GRM7: variants seen among roughly 807,000 people sequenced by gnomAD.
GRM7 encodes the protein metabotropic glutamate receptor 7.
GRM7 carries 35 observed loss-of-function variants against 84.5 expected under a neutral mutation model. The ratio of observed to expected loss-of-function variants is 0.41; its 90% CI spans 0.32 to 0.55. GRM7 has a LOEUF of 0.55. Among genes scored for constraint, GRM7 ranks in the 20% least tolerant of loss-of-function variants. The pLI is 0.19. For missense variants in GRM7, 1,003 were observed against 1,194.6 expected (o/e 0.84, Z 2.36); for synonymous variants, 487 against 455.1 (o/e 1.07, Z -0.89).
At chr3:7,029,319 A>AC (rs1696102078) in intron 1 of GRM7, among the ~76,000 whole-genome samples, 1 of 69,076 alleles carries the variant, frequency 1.4e-5, no homozygotes, top group Non-Finnish European at 4.1e-5. Context: ...AAAAAACAAA[A>AC]AAAAAAAACA....
chr3:6,973,881 G>A (rs981416166), intron 1 of GRM7, among the ~76,000 whole-genome samples: 1 of 152,086 alleles, frequency 6.6e-6, no homozygotes, highest in East Asian at 1.9e-4. Context: ...TTGATAAGAG[G>A]GAAAGTCATG....
intron 8 of GRM7, among the ~76,000 whole-genome samples, chr3:7,666,640 G>T (rs185558764): frequency 6.6e-6 from 1 of 152,264 alleles, no homozygotes; most frequent in East Asian, 1.9e-4. Context: ...GTAGCCACTG[G>T]TCTTTGTGCT....
At chr3:7,035,747 C>T (rs1027349438) in intron 1 of GRM7, among the ~76,000 whole-genome samples, 4 of 152,108 alleles carry the variant, frequency 2.6e-5, no homozygotes, top group African/African-American at 4.8e-5. Context: ...ACAAATGTGG[C>T]TTATATGAGA....
intron 1 of GRM7, among the ~76,000 whole-genome samples, chr3:7,023,551 G>C (rs1345995827): frequency 6.6e-6 from 1 of 152,140 alleles, no homozygotes; most frequent in African/African-American, 2.4e-5. Flanking sequence ...CACACTGGCA[G>C]GTTACAACAA....
chr3:7,399,250 C>T (rs1391104427), intron 4 of GRM7, among the ~76,000 whole-genome samples: 1 of 151,838 alleles, frequency 6.6e-6, no homozygotes, highest in Non-Finnish European at 1.5e-5. Flanking sequence ...CACCCTCTAC[C>T]TTGTTCTCTA....
intron 1 of GRM7, among the ~76,000 whole-genome samples, chr3:7,088,476 A>C (rs6801863): frequency 0.01 from 1,544 of 151,538 alleles, 36 homozygotes; most frequent in African/African-American, 0.036. Flanking sequence ...ATGGGATATT[A>C]TCTAAATTTT....
chr3:6,985,909 T>C (rs1467845108), intron 1 of GRM7, among the ~76,000 whole-genome samples: 3 of 152,196 alleles, frequency 2.0e-5, no homozygotes, highest in Non-Finnish European at 2.9e-5. Context: ...AATTCGCTTA[T>C]TTGAAGTCTT....
intron 1 of GRM7, among the ~76,000 whole-genome samples, chr3:7,025,851 C>T (rs1695962410): frequency 6.6e-6 from 1 of 152,152 alleles, no homozygotes; most frequent in South Asian, 2.1e-4. Context: ...TTCCACTGTG[C>T]ATGGGGAGCT....
intron 2 of GRM7, among the ~76,000 whole-genome samples, chr3:7,272,005 C>A (rs1698882602): frequency 6.6e-6 from 1 of 151,944 alleles, no homozygotes; most frequent in Admixed American, 6.6e-5. Flanking sequence ...GAGGAAAAGG[C>A]CTATCAGGAG....
At chr3:7,250,431 C>A (rs9311983) in intron 2 of GRM7, among the ~76,000 whole-genome samples, 151,824 of 151,824 alleles carry the variant, frequency 1, 75,912 homozygotes, top group Non-Finnish European at 1. Flanking sequence ...ACTCATTTAC[C>A]AACTAAACAT....
intron 9 of GRM7, among the ~76,000 whole-genome samples, chr3:7,734,981 G>A (rs537264136): frequency 6.6e-6 from 1 of 152,200 alleles, no homozygotes; most frequent in East Asian, 1.9e-4. Flanking sequence ...ATTTAGTGAT[G>A]GGCTAAGGGC....
intron 7 of GRM7, among the ~76,000 whole-genome samples, chr3:7,517,689 C>G (rs1239562): frequency 0.62 from 95,017 of 152,068 alleles, 30,704 homozygotes; most frequent in African/African-American, 0.8. Context: ...CACCATGCTT[C>G]CCTAGTTATT....
At chr3:7,472,719 A>G (rs1000654497) in intron 7 of GRM7, among the ~76,000 whole-genome samples, 2 of 152,200 alleles carry the variant, frequency 1.3e-5, no homozygotes, top group African/African-American at 4.8e-5. Flanking sequence ...CAGGAGGACA[A>G]TGTAACACTA....
chr3:7,064,973 C>T (rs532762045), intron 1 of GRM7, among the ~76,000 whole-genome samples: 27 of 151,818 alleles, frequency 1.8e-4, no homozygotes, highest in African/African-American at 6.5e-4. Flanking sequence ...GTTCATTGGC[C>T]ATTTGTATAT....
At chr3:7,663,257 C>A (rs1452210346) in intron 8 of GRM7, among the ~76,000 whole-genome samples, 5 of 152,162 alleles carry the variant, frequency 3.3e-5, no homozygotes, top group Non-Finnish European at 7.3e-5. Flanking sequence ...CTGGTCTCAG[C>A]TGGCATCGCT....
intron 6 of GRM7, among the ~76,000 whole-genome samples, chr3:7,460,099 TAAAAAAAAA>T (rs71066013): frequency 1.6e-4 from 8 of 49,544 alleles, no homozygotes; most frequent in Admixed American, 6.2e-4. Context: ...CTTAAAATAG[TAAAAAAAAA>T]AAAAAAAAAA....
chr3:7,106,959 T>C lies in GRM7; in HGVS notation c.520-39493T>C, dbSNP rs114299687. 3.7e-3 allele frequency among the ~76,000 whole-genome samples: 556 copies of C among 152,094 alleles called. 4 individuals carry two copies. The highest frequency in any genetic ancestry group is 0.013 in the African/African-American group (538 of 41,528). On this transcript the variant is annotated intron_variant, in intron 1 of 9. Transcript: ENST00000357716. ...GAGTGCATAGTGCTGTGCCAGTTGGTATGCTAGCAATATAATGATGACCAA... is the reference window on the plus strand; with the variant it reads ...GAGTGCATAGTGCTGTGCCAGTTGGCATGCTAGCAATATAATGATGACCAA...
At chr3:7,597,746 G>A (rs1354398194) in intron 8 of GRM7, among the ~76,000 whole-genome samples, 2 of 152,204 alleles carry the variant, frequency 1.3e-5, no homozygotes, top group African/African-American at 2.4e-5. Context: ...CTAGGACCAT[G>A]GATGACAATT....
At chr3:7,654,866 C>T (rs1699108088) in intron 8 of GRM7, among the ~76,000 whole-genome samples, 1 of 152,186 alleles carries the variant, frequency 6.6e-6, no homozygotes, top group East Asian at 1.9e-4. Context: ...CTTGGGGTGG[C>T]CCACACATAT....
Sources: gnomAD v4.1 joint callset for allele counts (sites outside exome capture counted in the v4.1 genomes callset) on GRCh38, gnomAD v4.1.1 for gene constraint, MANE v1.5 for transcripts, NCBI Gene and HGNC (gene_info 2026-07-23, HGNC 2026-07-21) for gene names.